AUH: variants seen among roughly 807,000 people sequenced by gnomAD.
AUH encodes AU RNA binding methylglutaconyl-CoA hydratase, also known as methylglutaconyl-CoA hydratase, mitochondrial.
A neutral mutation model predicts 42.3 loss-of-function variants in AUH; 29 were observed. That is an observed-to-expected ratio of 0.69 (90% CI 0.51 to 0.93). The LOEUF (loss-of-function observed/expected upper bound fraction) is 0.93. Among genes scored for constraint, AUH ranks in the 40% least tolerant of loss-of-function variants. AUH has a pLI of 0.00. For missense variants in AUH, 452 were observed against 438.1 expected (o/e 1.03, Z -0.28); for synonymous variants, 174 against 166.4 (o/e 1.05, Z -0.35).
intron 8 of AUH, among the ~76,000 whole-genome samples, chr9:91,216,901 G>C (rs1398317359): frequency 6.6e-6 from 1 of 152,194 alleles, no homozygotes; most frequent in Non-Finnish European, 1.5e-5. Context: ...GAAAGAGCTA[G>C]CTGTTCTTGG....
chr9:91,335,584 G>A (rs978697785), intron 3 of AUH, among the ~76,000 whole-genome samples: 3 of 151,956 alleles, frequency 2.0e-5, no homozygotes, highest in African/African-American at 7.3e-5. Flanking sequence ...CCCTATTTGG[G>A]TTATTCTGCA....
chr9:91,361,548 G>A, intron 1 of AUH, 80 bp downstream of exon 1: 1 of 1,517,960 alleles, frequency 6.6e-7, no homozygotes, highest in South Asian at 1.2e-5. Flanking sequence ...GCGTCCTGCC[G>A]GCGGACGCTG....
chr9:91,256,083 T>C (rs991000964), intron 6 of AUH, among the ~76,000 whole-genome samples: 6 of 152,184 alleles, frequency 3.9e-5, no homozygotes, highest in African/African-American at 1.4e-4. Flanking sequence ...TCATTTGTAA[T>C]ATATGGAAGT....
chr9:91,323,851 T>C (rs183212132), intron 4 of AUH, among the ~76,000 whole-genome samples: 1 of 152,202 alleles, frequency 6.6e-6, no homozygotes, highest in East Asian at 1.9e-4. Flanking sequence ...GATAGAAAGA[T>C]TTACTATCAT....
intron 3 of AUH, among the ~76,000 whole-genome samples, chr9:91,349,980 T>G (rs1413431088): frequency 1.3e-5 from 2 of 152,146 alleles, no homozygotes; most frequent in Non-Finnish European, 2.9e-5. Context: ...GATCACACAT[T>G]TACATCCAAT....
At chr9:91,321,250 G>C (rs1179070381) in intron 4 of AUH, among the ~76,000 whole-genome samples, 2 of 152,012 alleles carry the variant, frequency 1.3e-5, no homozygotes, top group Non-Finnish European at 2.9e-5. Context: ...TCTTTAAACC[G>C]CAAGTTTAAT....
intron 4 of AUH, among the ~76,000 whole-genome samples, chr9:91,304,242 C>CT (rs1229496482): frequency 6.6e-6 from 1 of 152,102 alleles, no homozygotes; most frequent in Non-Finnish European, 1.5e-5. Flanking sequence ...CTCTCACATG[C>CT]TTTTTTATAC....
chr9:91,232,527 A>G (rs373825060), intron 6 of AUH, among the ~76,000 whole-genome samples: 4 of 152,178 alleles, frequency 2.6e-5, no homozygotes, highest in Admixed American at 6.5e-5. Flanking sequence ...AGCAACTATA[A>G]TATTTCTGCC....
intron 4 of AUH, among the ~76,000 whole-genome samples, chr9:91,313,096 T>C (rs900219325): frequency 2.0e-5 from 3 of 151,992 alleles, no homozygotes; most frequent in African/African-American, 7.2e-5. Context: ...TTGGCAAGGG[T>C]TAAAGCAGAG....
At chr9:91,286,720 TAA>T (rs139430663) in intron 6 of AUH, among the ~76,000 whole-genome samples, 18 of 132,560 alleles carry the variant, frequency 1.4e-4, no homozygotes, top group Admixed American at 4.5e-4. Flanking sequence ...CTGAATTCTC[TAA>T]AAAAAAAAAA....
chr9:91,355,613 T>C (rs757086521), intron 3 of AUH, among the ~76,000 whole-genome samples: 8 of 151,976 alleles, frequency 5.3e-5, no homozygotes, highest in African/African-American at 1.4e-4. Context: ...ACAAACAACA[T>C]TGTACTACAT....
chr9:91,230,807 C>G (rs1385932755), intron 6 of AUH, among the ~76,000 whole-genome samples: 1 of 152,170 alleles, frequency 6.6e-6, no homozygotes, highest in Non-Finnish European at 1.5e-5. Context: ...GTTGGAGAAC[C>G]CTGCAGTGTG....
At chr9:91,357,134 T>C (rs1217089406) in intron 1 of AUH, among the ~76,000 whole-genome samples, 1 of 152,236 alleles carries the variant, frequency 6.6e-6, no homozygotes, top group Non-Finnish European at 1.5e-5. Flanking sequence ...AAAGGACTGC[T>C]ATCTGACAGG....
intron 4 of AUH, among the ~76,000 whole-genome samples, chr9:91,304,833 T>C (rs1383581353): frequency 6.6e-6 from 1 of 152,232 alleles, no homozygotes; most frequent in African/African-American, 2.4e-5. Context: ...AAGCAAGTAC[T>C]GGTGGAGAGA....
chr9:91,275,012 A>G (rs1384004343), intron 6 of AUH, among the ~76,000 whole-genome samples: 4 of 152,224 alleles, frequency 2.6e-5, no homozygotes, highest in Non-Finnish European at 4.4e-5. Flanking sequence ...CAAAAGAGAA[A>G]AAAGGACATC....
chr9:91,320,877 A>C (rs1829518325), intron 4 of AUH, among the ~76,000 whole-genome samples: 1 of 152,206 alleles, frequency 6.6e-6, no homozygotes, highest in African/African-American at 2.4e-5. Context: ...TCACTAAAAA[A>C]TTTTTATTAA....
At chr9:91,268,984 TTTC>T (rs1824887184) in intron 6 of AUH, among the ~76,000 whole-genome samples, 3 of 143,442 alleles carry the variant, frequency 2.1e-5, no homozygotes, top group Admixed American at 6.8e-5. Flanking sequence ...TAATTAACAC[TTTC>T]TTTTTTTTTT....
chr9:91,218,723 T>C, intron 7 of AUH: 1 of 984,602 alleles, frequency 1.0e-6, no homozygotes, highest in Non-Finnish European at 1.2e-6. Context: ...AAGCCTTTTT[T>C]TCTCAGATAA....
At chr9:91,227,262 G>T (rs1082057) in intron 6 of AUH, among the ~76,000 whole-genome samples, 1 of 138,228 alleles carries the variant, frequency 7.2e-6, no homozygotes, top group Non-Finnish European at 1.6e-5. Context: ...TGAAGAGGTC[G>T]TTCACATCCC....
Sources: gnomAD v4.1 joint callset for allele counts (sites outside exome capture counted in the v4.1 genomes callset) on GRCh38, gnomAD v4.1.1 for gene constraint, MANE v1.5 for transcripts, NCBI Gene and HGNC (gene_info 2026-07-23, HGNC 2026-07-21) for gene names.